Variants in DCAF8 observed in about 807,000 individuals in gnomAD.
DCAF8 encodes DDB1- and CUL4-associated factor 8.
Under a neutral mutation model 68.0 loss-of-function variants are expected in DCAF8, and 20 were observed. The ratio of observed to expected loss-of-function variants is 0.29; its 90% CI spans 0.21 to 0.43. The LOEUF is 0.43. Among genes scored for constraint, DCAF8 ranks in the 20% least tolerant of loss-of-function variants. The pLI, the probability that DCAF8 is intolerant of heterozygous loss-of-function variation, is 1.00. For missense variants in DCAF8, 460 were observed against 771.0 expected (o/e 0.60, Z 4.78); for synonymous variants, 230 against 276.9 (o/e 0.83, Z 1.68).
intron 3 of DCAF8, among the ~76,000 whole-genome samples, chr1:160,242,169 T>C (rs544692047): frequency 1.0e-3 from 156 of 149,098 alleles, no homozygotes; most frequent in Non-Finnish European, 1.9e-3. Flanking sequence ...CGCTTGAACC[T>C]GGGAGGTGGA....
chr1:160,218,724 TG>T, intron 12 of DCAF8, 124 bp downstream of exon 12: 1 of 1,392,318 alleles, frequency 7.2e-7, no homozygotes, highest in Non-Finnish European at 9.9e-7. Context: ...TACAGGAATG[TG>T]GGGGAGGGTG....
At chr1:160,236,523 G>A (rs1655903335) in intron 6 of DCAF8, among the ~76,000 whole-genome samples, 1 of 152,058 alleles carries the variant, frequency 6.6e-6, no homozygotes, top group Non-Finnish European at 1.5e-5. Flanking sequence ...CCCATAGCAA[G>A]GCTGAAGAAA....
chr1:160,244,621 T>TC (rs1355829657), intron 2 of DCAF8, among the ~76,000 whole-genome samples: 1 of 150,280 alleles, frequency 6.7e-6, no homozygotes, highest in African/African-American at 2.5e-5. Context: ...TATTATTCTT[T>TC]CTTTTTTTTT....
At position 160,240,027 on chromosome 1, in the gene DCAF8, A is replaced by G; in HGVS notation, c.393T>C (p.Asp131=). The G allele has an allele frequency of 6.2e-7, 1 of 1,614,208 alleles. No homozygotes were observed. The highest frequency in any genetic ancestry group is 1.6e-4 in the Middle Eastern group (1 of 6,062). Residue 131 remains aspartate, a synonymous_variant, in exon 4 of 14, where the codon GAT becomes GAC. Transcript: ENST00000368074. ...KRANRDQDSS[D]DERALEDWVS... The stretch of plus-strand genomic sequence containing the variant: ...CCCAGTCCTCTAGGGCCCGCTCATC[A>G]TCTGATGAGTCCTGGTCACGGTTAG...
intron 10 of DCAF8, 124 bp downstream of exon 10, chr1:160,224,318 G>T: frequency 1.5e-6 from 1 of 688,002 alleles, no homozygotes; most frequent in Non-Finnish European, 2.5e-6. Context: ...CCCAATTCAG[G>T]ATAATCCCTC....
At chr1:160,260,071 G>C (rs6701228) in intron 2 of DCAF8, among the ~76,000 whole-genome samples, 4,883 of 149,328 alleles carry the variant, frequency 0.033, 250 homozygotes, top group African/African-American at 0.12. Flanking sequence ...ATTCAAAGCT[G>C]TATCAATGAT....
intron 8 of DCAF8, 132 bp from the exon 9 acceptor site, chr1:160,225,251 G>A (rs917975433): frequency 4.6e-6 from 4 of 872,784 alleles, no homozygotes; most frequent in East Asian, 5.3e-5. Context: ...AGAGACAAGA[G>A]TACAACTGAT....
intron 10 of DCAF8, 71 bp from the exon 11 acceptor site, chr1:160,222,852 G>C: frequency 1.3e-6 from 2 of 1,590,910 alleles, no homozygotes; most frequent in Non-Finnish European, 8.6e-7. Context: ...ATCTCAAAGG[G>C]AATTTAGTTA....
intron 3 of DCAF8, 110 bp downstream of exon 3, chr1:160,243,850 G>A: frequency 1.9e-6 from 2 of 1,052,518 alleles, no homozygotes; most frequent in East Asian, 4.7e-5. Context: ...GAACAACACA[G>A]GAAAGTTTCC....
chr1:160,240,520 T>A, intron 3 of DCAF8, 150 bp from the exon 4 acceptor site: 1 of 681,938 alleles, frequency 1.5e-6, no homozygotes, highest in Admixed American at 3.1e-5. Flanking sequence ...GAGAGTACCC[T>A]CTGAGGGGAA....
chr1:160,238,665 G>A lies in DCAF8; in HGVS notation c.806C>T (p.Ala269Val). 1 of 1,613,814 alleles carries A rather than the reference G, an allele frequency of 6.2e-7. No individual in the cohort carries two copies. Among genetic ancestry groups the A allele is most frequent in the Non-Finnish European group, 8.5e-7 (1 of 1,179,900 alleles). ...DGQVRVAELSATQCCKNTKRV... is the reference protein window; with the variant it reads ...DGQVRVAELSVTQCCKNTKRV... ...TTTTGTATTCTTGCAACACTGTGTG[G>A]CAGACAGTTCTGCTACTCGAACCTG... Residue 269 changes from alanine (A) to valine (V), a missense_variant, in exon 5 of 14, where the codon GCC becomes GTC. Physicochemically the swap from Ala to Val is moderately conservative, Grantham distance 64. This residue lies in a region of DCAF8 where 170 missense variants were observed against 318.2 expected (regional missense o/e 0.53). Transcript: ENST00000368074.
At chr1:160,261,637 AAAC>A (rs1298541948) in intron 1 of DCAF8, 3 of 152,222 alleles carry the variant, frequency 2.0e-5, no homozygotes, top group Admixed American at 6.5e-5. Flanking sequence ...AACCATAACC[AAAC>A]AACCTCTCAA....
intron 7 of DCAF8, among the ~76,000 whole-genome samples, chr1:160,230,072 G>GA (rs1283954694): frequency 9.2e-5 from 14 of 152,242 alleles, no homozygotes; most frequent in African/African-American, 3.4e-4. Context: ...GTGACTAGAG[G>GA]AAACGAATTT....
chr1:160,232,715 G>T (rs921716274), intron 6 of DCAF8, among the ~76,000 whole-genome samples: 1 of 152,132 alleles, frequency 6.6e-6, no homozygotes. Context: ...CTGCTCAGGA[G>T]GCTGAGGTGT....
intron 13 of DCAF8, 23 bp from the exon 14 acceptor site, chr1:160,217,731 A>G (rs1372308841): frequency 1.3e-6 from 2 of 1,587,782 alleles, no homozygotes; most frequent in Non-Finnish European, 1.7e-6. Flanking sequence ...AAGGCTTGTT[A>G]GTAACTTCCC....
chr1:160,251,758 T>A (rs1489466206), intron 2 of DCAF8, among the ~76,000 whole-genome samples: 1 of 152,186 alleles, frequency 6.6e-6, no homozygotes, highest in African/African-American at 2.4e-5. Flanking sequence ...CACGAGCCAC[T>A]GCACCTGGCC....
At position 160,237,123 on chromosome 1, in the gene DCAF8, T is replaced by C; in HGVS notation, c.959+12A>G. On this transcript the variant is annotated intron_variant, in intron 6 of 13. Coordinates refer to ENST00000368074, the MANE Select transcript of DCAF8 (RefSeq NM_015726.4). ...AGATACAGTTCTGTAATGATATTAC[T>C]GCTACACTTACGACGCTGGGCGGTC... The C allele has an allele frequency of 6.5e-7, 1 of 1,538,994 alleles. No individual in the cohort carries two copies. The highest frequency in any genetic ancestry group is 8.8e-7 in the Non-Finnish European group (1 of 1,133,300).
chr1:160,258,320 TGACA>T (rs1238754725), intron 2 of DCAF8, among the ~76,000 whole-genome samples: 2 of 152,018 alleles, frequency 1.3e-5, no homozygotes, highest in Non-Finnish European at 2.9e-5. Flanking sequence ...GCACTCTAGG[TGACA>T]GAGTGAGATC....
At chr1:160,242,461 G>C (rs1256269716) in intron 3 of DCAF8, among the ~76,000 whole-genome samples, 1 of 152,048 alleles carries the variant, frequency 6.6e-6, no homozygotes, top group Non-Finnish European at 1.5e-5. Context: ...CAACCTAACA[G>C]GTCTGTAGAA....
Sources: gnomAD v4.1 joint callset for allele counts (sites outside exome capture counted in the v4.1 genomes callset) on GRCh38, gnomAD v4.1.1 for gene constraint, gnomAD v4.1.1 regional missense constraint, MANE v1.5 for transcripts, NCBI Gene and HGNC (gene_info 2026-07-23, HGNC 2026-07-21) for gene names.